Variants in PCDHAC1 observed in about 807,000 individuals in gnomAD.
PCDHAC1 encodes the protein protocadherin alpha-C1.
A neutral mutation model predicts 60.0 loss-of-function variants in PCDHAC1; 42 were observed. The observed-to-expected ratio is 0.70, with a 90% CI of 0.55 to 0.90. PCDHAC1 has a LOEUF of 0.90. Among genes scored for constraint, PCDHAC1 ranks in the 40% least tolerant of loss-of-function variants. PCDHAC1 has a pLI of 0.00. For synonymous variants in PCDHAC1, 468 were observed against 499.3 expected, an observed-to-expected ratio of 0.94 and a Z score of 0.84; for missense variants, 1,160 against 1,222.3, an observed-to-expected ratio of 0.95 and a Z score of 0.76.
chr5:140,941,185 C>CT (rs782102770), intron 1 of PCDHAC1, among the ~76,000 whole-genome samples: 18 of 102,242 alleles, frequency 1.8e-4, no homozygotes, highest in East Asian at 3.7e-4. Flanking sequence ...CATCCTGCTT[C>CT]TTTTTTTTTC....
At chr5:140,996,431 T>C (rs1294673547) in intron 3 of PCDHAC1, among the ~76,000 whole-genome samples, 1 of 152,182 alleles carries the variant, frequency 6.6e-6, no homozygotes, top group African/African-American at 2.4e-5. Flanking sequence ...ACTTTGGGAA[T>C]AGTCAGTGTC....
rs1382251688 is a variant in PCDHAC1, at chr5:141,010,812, C to A, written c.*875C>A. The A allele has an allele frequency of 6.5e-6, 1 of 153,746 alleles. No homozygotes were observed. Among genetic ancestry groups the A allele is most frequent in the Non-Finnish European group, 1.5e-5 (1 of 68,054 alleles). The allele number at this position is 153,746 out of a possible 1,614,324, so 9.5% of individuals were successfully genotyped here. On this transcript the variant is annotated 3_prime_UTR_variant, in exon 4 of 4. Coordinates refer to ENST00000253807, the MANE Select transcript of PCDHAC1 (RefSeq NM_018898.5). The stretch of plus-strand genomic sequence containing the variant: ...GCAAAAGAAAACCCCGACACCTCAC[C>A]TTTCGCTGTTTGTTGTTTCATAGAT...
chr5:140,991,968 C>A (rs80040458), intron 3 of PCDHAC1, among the ~76,000 whole-genome samples: 1,562 of 151,686 alleles, frequency 0.01, 27 homozygotes, highest in African/African-American at 0.036. Context: ...TTTGGTGGGG[C>A]CATTATTCTG....
In PCDHAC1 at chr5:140,970,051, C is replaced by T. The variant is rs915260486; in HGVS notation, c.2434-8898C>T. 4.0e-5 allele frequency among the ~76,000 whole-genome samples: 6 copies of T among 151,880 alleles called. No individual in the cohort carries two copies. The South Asian group carries it at 1.2e-3, about 32-fold the overall frequency. On this transcript the variant is annotated intron_variant, in intron 1 of 3. Coordinates refer to ENST00000253807, the MANE Select transcript of PCDHAC1 (RefSeq NM_018898.5). Reference sequence around the variant, plus strand: ...TTAAGTACCAATTTGTCTGGTTGGTCCAGGGAGGTATTAGAATGAGTGGAT... The same window carrying T: ...TTAAGTACCAATTTGTCTGGTTGGTTCAGGGAGGTATTAGAATGAGTGGAT...
In PCDHAC1 at chr5:140,927,470, G is replaced by T; in HGVS notation, c.578G>T (p.Arg193Leu). ...TTGGTGTTGGAGAAAGCACTGGATC[G>T]CGAACAGCGCGCCACCCACCTGCTG... ...PELVLEKALD[R>L]EQRATHLLVL... Residue 193 changes from arginine to leucine, a missense_variant, in exon 1 of 4, where the codon CGC becomes CTC. Around this residue, in one of 3 missense-constraint regions of PCDHAC1, gnomAD observed 1,113 missense variants for 1,163.7 expected, o/e 0.96. Coordinates refer to ENST00000253807, the MANE Select transcript of PCDHAC1 (RefSeq NM_018898.5). The T allele has an allele frequency of 1.9e-6, 3 of 1,614,054 alleles. No individual in the cohort carries two copies. Among genetic ancestry groups the T allele is most frequent in the South Asian group, 2.2e-5 (2 of 91,088 alleles).
rs536777034 is a variant in PCDHAC1 at position 140,985,803 on chromosome 5, G to A, written c.2581+3240G>A. Among the ~76,000 whole-genome samples the A allele has an allele frequency of 1.3e-4, 18 of 139,858 alleles. No individual in the cohort carries two copies. In the East Asian group the frequency reaches 1.8e-3, roughly 14 times the overall value. The allele number at this position is 139,858 out of a possible 152,430, so 91.8% of individuals were successfully genotyped here. A position where few individuals can be genotyped will look rare whatever the true frequency, so the allele number is the denominator to read the frequency against. Reference sequence around the variant, plus strand: ...CGCCCAGGCTGGAGTGCAGTGGCACGATCTCAGCTCACAACAAGCTCTGCC... The same window carrying A: ...CGCCCAGGCTGGAGTGCAGTGGCACAATCTCAGCTCACAACAAGCTCTGCC... On this transcript the variant is annotated intron_variant, in intron 3 of 3. Transcript: ENST00000253807.
At chr5:140,982,252 C>A in intron 2 of PCDHAC1, 2 of 770,940 alleles carry the variant, frequency 2.6e-6, no homozygotes, top group South Asian at 2.6e-5. Flanking sequence ...AAAGATAGAA[C>A]ATGTGTGTTC....
rs542968986 is a variant in PCDHAC1, at chr5:141,005,917, A to T, written c.2582-3710A>T. On this transcript the variant is annotated intron_variant, in intron 3 of 3. Transcript: ENST00000253807. ...AGCAATGATTGCACCACTGCACTTCAGCCTGGTTGACAGAGTGAGAACCTA... is the reference window on the plus strand; with the variant it reads ...AGCAATGATTGCACCACTGCACTTCTGCCTGGTTGACAGAGTGAGAACCTA... Among the ~76,000 whole-genome samples the T allele has an allele frequency of 4.5e-4, 69 of 152,156 alleles. No homozygotes were observed. In the South Asian group the frequency reaches 0.013, roughly 28 times the overall value.
intron 1 of PCDHAC1, among the ~76,000 whole-genome samples, chr5:140,976,780 A>G (rs2096731008): frequency 6.6e-6 from 1 of 152,224 alleles, no homozygotes; most frequent in Non-Finnish European, 1.5e-5. Context: ...CTCTGACTAT[A>G]TAGCTACGCT....
At chr5:140,975,343 A>G (rs997568363) in intron 1 of PCDHAC1, among the ~76,000 whole-genome samples, 1 of 152,224 alleles carries the variant, frequency 6.6e-6, no homozygotes, top group Middle Eastern at 3.2e-3. Context: ...TCCCTTTCTT[A>G]AAGCCAACTG....
At chr5:140,989,802 G>C (rs2153885493) in intron 3 of PCDHAC1, among the ~76,000 whole-genome samples, 2 of 152,336 alleles carry the variant, frequency 1.3e-5, no homozygotes, top group South Asian at 4.1e-4. Flanking sequence ...CCAGGAAAGG[G>C]CCATAAGATT....
intron 1 of PCDHAC1, among the ~76,000 whole-genome samples, chr5:140,935,364 G>A (rs1480423579): frequency 2.0e-5 from 3 of 152,008 alleles, no homozygotes; most frequent in African/African-American, 4.8e-5. Flanking sequence ...TTTCATTAAC[G>A]TCAACAGAAT....
Position 140,927,418 on chromosome 5 carries a change from C to A in PCDHAC1, c.526C>A (p.Arg176=). 1 of 1,614,106 alleles carries A rather than the reference C, an allele frequency of 6.2e-7. No homozygotes were observed. Among genetic ancestry groups the A allele is most frequent in the Non-Finnish European group, 8.5e-7 (1 of 1,179,988 alleles). The change falls in exon 1 of 4, where the codon CGG becomes AGG. Residue 176 remains arginine (R), a synonymous_variant. Coordinates refer to ENST00000253807, the MANE Select transcript of PCDHAC1 (RefSeq NM_018898.5). The part of the protein sequence containing the change: ...SQHFRLDMGS[R]VDGSEYPELV... Reference sequence around the variant, plus strand: ...GCACTTTCGCCTGGACATGGGATCGCGGGTTGACGGCAGCGAATACCCGGA... The same window carrying A: ...GCACTTTCGCCTGGACATGGGATCGAGGGTTGACGGCAGCGAATACCCGGA...
intron 1 of PCDHAC1, among the ~76,000 whole-genome samples, chr5:140,938,157 G>C (rs532966795): frequency 6.6e-6 from 1 of 152,022 alleles, no homozygotes; most frequent in African/African-American, 2.4e-5. Context: ...CATTGCCCAG[G>C]CTAGTCTGGA....
chr5:140,976,553 A>C (rs1554237789), intron 1 of PCDHAC1, among the ~76,000 whole-genome samples: 1 of 152,074 alleles, frequency 6.6e-6, no homozygotes, highest in African/African-American at 2.4e-5. Flanking sequence ...CCTATCTCAT[A>C]AATAAATAAA....
rs782568724 is a variant in PCDHAC1, at chr5:140,927,659, A to C, written c.767A>C (p.Gln256Pro). Reference sequence around the variant, plus strand: ...AATGGGACTGTGTTATTCCGAGTTCAAGCCTTGGATCCAGATGAAGGGTCC... The same window carrying C: ...AATGGGACTGTGTTATTCCGAGTTCCAGCCTTGGATCCAGATGAAGGGTCC... ...APNGTVLFRV[Q>P]ALDPDEGSNG... The change falls in exon 1 of 4, where the codon CAA becomes CCA. Residue 256 changes from glutamine (Q) to proline (P), a missense_variant. Gln to Pro is a moderately conservative substitution (Grantham distance 76, BLOSUM62 -1). This residue lies in a region of PCDHAC1 where 1,113 missense variants were observed against 1,163.7 expected (regional missense o/e 0.96). Coordinates refer to ENST00000253807, the MANE Select transcript of PCDHAC1 (RefSeq NM_018898.5). 4 of 1,614,108 alleles carry C rather than the reference A, an allele frequency of 2.5e-6. No homozygotes were observed. In the East Asian group the frequency reaches 6.7e-5, roughly 27 times the overall value.
intron 3 of PCDHAC1, among the ~76,000 whole-genome samples, chr5:140,999,423 C>G (rs1159862736): frequency 6.6e-6 from 1 of 152,100 alleles, no homozygotes; most frequent in Non-Finnish European, 1.5e-5. Context: ...AGCTAAGAGG[C>G]CAAGTACCTT....
intron 3 of PCDHAC1, among the ~76,000 whole-genome samples, chr5:141,006,446 C>T (rs2098274720): frequency 1.3e-5 from 2 of 152,066 alleles, no homozygotes; most frequent in South Asian, 4.1e-4. Flanking sequence ...ATCTCCTGAC[C>T]TCGAGATCTG....
chr5:141,001,468 G>A (rs1375908420), intron 3 of PCDHAC1, among the ~76,000 whole-genome samples: 1 of 152,226 alleles, frequency 6.6e-6, no homozygotes, highest in African/African-American at 2.4e-5. Context: ...GGACTAAGCA[G>A]CAGCGGGGAA....
Sources: allele counts gnomAD v4.1 joint callset (sites outside exome capture counted in the v4.1 genomes callset), GRCh38; gene constraint gnomAD v4.1.1; regional missense constraint gnomAD v4.1.1; transcripts MANE v1.5; gene names NCBI Gene and HGNC (gene_info 2026-07-23, HGNC 2026-07-21).